Variants in PRKN observed in about 807,000 individuals in gnomAD.
The protein encoded by PRKN is parkin RBR E3 ubiquitin protein ligase.
A neutral mutation model predicts 59.5 loss-of-function variants in PRKN; 56 were observed. That is an observed-to-expected ratio of 0.94 (90% confidence interval 0.76 to 1.18). PRKN has a LOEUF of 1.18. PRKN is among the 50% of genes most tolerant of loss of function. The pLI, the probability that PRKN is intolerant of heterozygous loss-of-function variation, is 0.00. For synonymous variants in PRKN, 250 were observed against 222.1 expected, an observed-to-expected ratio of 1.13 and a Z score of -1.12; for missense variants, 657 against 596.4, an observed-to-expected ratio of 1.10 and a Z score of -1.06.
intron 5 of PRKN, among the ~76,000 whole-genome samples, chr6:161,979,673 G>C (rs1049146848): frequency 2.6e-5 from 4 of 152,174 alleles, no homozygotes; most frequent in Non-Finnish European, 5.9e-5. Flanking sequence ...CTCTGGACAA[G>C]GCTGTGATCC....
chr6:162,302,831 C>T (rs999019543), intron 2 of PRKN, among the ~76,000 whole-genome samples: 1 of 152,080 alleles, frequency 6.6e-6, no homozygotes, highest in South Asian at 2.1e-4. Flanking sequence ...TGGTTACCCT[C>T]TAATTCACCT....
chr6:161,366,387 C>T (rs1417130116), intron 10 of PRKN, among the ~76,000 whole-genome samples: 4 of 152,110 alleles, frequency 2.6e-5, no homozygotes, highest in Non-Finnish European at 2.9e-5. Context: ...AGGACCCCCT[C>T]ATGGAGATGC....
At chr6:161,679,741 CTTTTTTTTTTTTTTTT>C (rs745812196) in intron 7 of PRKN, among the ~76,000 whole-genome samples, 1 of 23,484 alleles carries the variant, frequency 4.3e-5, no homozygotes, top group Non-Finnish European at 7.1e-5. Context: ...TCAGAGCCAG[CTTTTTTTTTTTTTTTT>C]TTTTTTTTTT....
intron 1 of PRKN, among the ~76,000 whole-genome samples, chr6:162,507,030 T>A (rs1354801150): frequency 6.6e-6 from 1 of 152,206 alleles, no homozygotes; most frequent in Non-Finnish European, 1.5e-5. Flanking sequence ...AAAAAAGACC[T>A]GGGTTCTTCT....
At chr6:162,393,152 A>ATTTTTTTTTTTTTTT (rs1369959830) in intron 2 of PRKN, among the ~76,000 whole-genome samples, 14 of 78,102 alleles carry the variant, frequency 1.8e-4, no homozygotes, top group South Asian at 4.8e-4. Flanking sequence ...AGGATAGGAG[A>ATTTTTTTTTTTTTTT]TTCTTTTTTT....
rs185599656 is a variant in PRKN at position 161,677,081 on chromosome 6, C to T, written c.872-107665G>A. On this transcript the variant is annotated intron_variant, in intron 7 of 11. Transcript: ENST00000366898. ...ATTTTACATCAATTCTTGTGATTTT[C>T]CAAGTCATAAAATGCCCCAGATGCC... 3.1e-3 allele frequency among the ~76,000 whole-genome samples: 470 copies of T among 152,250 alleles called. 2 individuals are homozygous for T. The highest frequency in any genetic ancestry group is 5.6e-3 in the Non-Finnish European group (379 of 68,022).
At chr6:162,439,461 T>C (rs1228901902) in intron 2 of PRKN, among the ~76,000 whole-genome samples, 1 of 152,020 alleles carries the variant, frequency 6.6e-6, no homozygotes, top group Non-Finnish European at 1.5e-5. Flanking sequence ...GTTCCACATC[T>C]GAGGTAACGT....
chr6:162,036,273 G>A (rs935671652), intron 5 of PRKN, among the ~76,000 whole-genome samples: 13 of 151,864 alleles, frequency 8.6e-5, no homozygotes, highest in Admixed American at 2.6e-4. Context: ...GCAGTGAGCC[G>A]AGATCACGCC....
intron 4 of PRKN, among the ~76,000 whole-genome samples, chr6:162,194,919 G>T (rs1011712740): frequency 6.6e-6 from 1 of 152,208 alleles, no homozygotes; most frequent in Non-Finnish European, 1.5e-5. Flanking sequence ...GAGAGTGGGC[G>T]TGAAAAGGAG....
chr6:162,710,545 G>T (rs1195394621), intron 1 of PRKN, among the ~76,000 whole-genome samples: 8 of 152,238 alleles, frequency 5.3e-5, no homozygotes, highest in East Asian at 3.9e-4. Context: ...TGGGAAAGGG[G>T]AGGTGAACTA....
chr6:161,442,051 T>C lies in PRKN; in HGVS notation c.1084-55174A>G, dbSNP rs1789261922. 6.6e-6 allele frequency among the ~76,000 whole-genome samples: 1 copy of C among 152,228 alleles called. No individual in the cohort carries two copies. The highest frequency in any genetic ancestry group is 6.5e-5 in the Admixed American group (1 of 15,288). ...ATAGAGACGATGTAAGATGAAATAC[T>C]GTTCAGTGGGCTAATGCAGCCACAC... On this transcript the variant is annotated intron_variant, in intron 9 of 11. Transcript: ENST00000366898. This position sits in a 1 kb window ranked among gnomAD's most constrained non-coding sequence, Gnocchi z 4.6.
At chr6:162,384,525 G>C (rs886681476) in intron 2 of PRKN, among the ~76,000 whole-genome samples, 1 of 151,856 alleles carries the variant, frequency 6.6e-6, no homozygotes, top group East Asian at 1.9e-4. Context: ...CAGATAAAGT[G>C]ATAAACTTTA....
chr6:161,805,779 G>A (rs746751236), intron 6 of PRKN, among the ~76,000 whole-genome samples: 9 of 152,272 alleles, frequency 5.9e-5, no homozygotes, highest in African/African-American at 1.2e-4. Context: ...ATGGAGAGCC[G>A]GGGTGGTTGG....
chr6:161,795,689 A>G (rs1276584274), intron 6 of PRKN, among the ~76,000 whole-genome samples: 2 of 152,170 alleles, frequency 1.3e-5, no homozygotes, highest in African/African-American at 4.8e-5. Context: ...TCTGATGATG[A>G]GAAAACTCAG....
At chr6:162,117,651 G>T (rs113955708) in intron 4 of PRKN, among the ~76,000 whole-genome samples, 7 of 152,308 alleles carry the variant, frequency 4.6e-5, no homozygotes, top group African/African-American at 1.7e-4. Flanking sequence ...CACTAATGCA[G>T]TTCTGCACGA....
intron 9 of PRKN, among the ~76,000 whole-genome samples, chr6:161,510,009 C>T (rs763263109): frequency 2.0e-5 from 3 of 152,072 alleles, no homozygotes; most frequent in Non-Finnish European, 4.4e-5. Context: ...CAAGGTTTTG[C>T]CCATGGGCTC....
At chr6:161,933,091 C>T (rs1779226505) in intron 6 of PRKN, among the ~76,000 whole-genome samples, 1 of 152,028 alleles carries the variant, frequency 6.6e-6, no homozygotes, top group South Asian at 2.1e-4. Flanking sequence ...ACCAGCCTGG[C>T]TAACATGGTG....
chr6:161,460,116 C>A lies in PRKN; in HGVS notation c.1084-73239G>T, dbSNP rs1404917064. 6.6e-6 allele frequency among the ~76,000 whole-genome samples: 1 copy of A among 152,172 alleles called. No homozygotes were observed. Among genetic ancestry groups the A allele is most frequent in the African/African-American group, 2.4e-5 (1 of 41,438 alleles). On this transcript the variant is annotated intron_variant, in intron 9 of 11. Transcript: ENST00000366898. This position sits in a 1 kb window ranked among gnomAD's most constrained non-coding sequence, Gnocchi z 5.0. The stretch of plus-strand genomic sequence containing the variant: ...GAATAGTACGAACAAATATAAACAG[C>A]AATTGATCCTACCCTCAATAAGTCA...
intron 2 of PRKN, among the ~76,000 whole-genome samples, chr6:162,432,787 C>A (rs969346575): frequency 2.0e-5 from 3 of 152,116 alleles, no homozygotes; most frequent in African/African-American, 7.2e-5. Flanking sequence ...TACATTCAAG[C>A]GACTCATGAA....
Sources: allele counts gnomAD v4.1 joint callset (sites outside exome capture counted in the v4.1 genomes callset), GRCh38; gene constraint gnomAD v4.1.1; non-coding constraint Gnocchi (gnomAD v3.1); transcripts MANE v1.5; gene names NCBI Gene and HGNC (gene_info 2026-07-23, HGNC 2026-07-21).